The following EPHA6 variants were observed in gnomAD, a reference collection of about 807,000 sequenced individuals.
EPHA6 encodes the protein EPH receptor A6.
Under a neutral mutation model 112.0 loss-of-function variants are expected in EPHA6, and 50 were observed. That is an observed-to-expected ratio of 0.45 (90% CI 0.36 to 0.56). The LOEUF is 0.56. EPHA6 is among the 20% of genes least tolerant of loss of function. EPHA6 has a pLI of 0.00. For missense variants in EPHA6, 1,280 were observed against 1,417.4 expected (o/e 0.90, Z 1.56); for synonymous variants, 529 against 490.7 (o/e 1.08, Z -1.03).
At chr3:96,935,372 A>G (rs1010961613) in intron 2 of EPHA6, among the ~76,000 whole-genome samples, 1 of 151,626 alleles carries the variant, frequency 6.6e-6, no homozygotes, top group African/African-American at 2.4e-5. Flanking sequence ...GGTTAAAAAT[A>G]TAACTTGTGA....
intron 3 of EPHA6, among the ~76,000 whole-genome samples, chr3:97,160,549 G>C (rs1177555470): frequency 6.6e-6 from 1 of 152,026 alleles, no homozygotes; most frequent in African/African-American, 2.4e-5. Flanking sequence ...CAAAGTGCTA[G>C]GATTACAGGC....
intron 1 of EPHA6, among the ~76,000 whole-genome samples, chr3:96,854,177 G>C (rs963627863): frequency 9.7e-5 from 14 of 144,766 alleles, no homozygotes; most frequent in Non-Finnish European, 1.8e-4. Flanking sequence ...GTTTAATCAT[G>C]ACTTTTTTTT....
intron 5 of EPHA6, among the ~76,000 whole-genome samples, chr3:97,308,458 CT>C (rs2108745486): frequency 6.6e-6 from 1 of 151,868 alleles, no homozygotes; most frequent in South Asian, 2.1e-4. Context: ...ATTAGTACTA[CT>C]GAGTAAATTT....
chr3:97,725,690 A>C (rs1486272906), intron 15 of EPHA6, among the ~76,000 whole-genome samples: 1 of 152,218 alleles, frequency 6.6e-6, no homozygotes, highest in Admixed American at 6.5e-5. Flanking sequence ...TTGCAGATAA[A>C]TATGTTACAT....
At chr3:97,058,751 A>G (rs943302866) in intron 3 of EPHA6, among the ~76,000 whole-genome samples, 28 of 152,366 alleles carry the variant, frequency 1.8e-4, no homozygotes, top group African/African-American at 6.5e-4. Context: ...TGAAAAATAT[A>G]TAAAGATCCG....
chr3:97,079,850 C>A (rs1047303123), intron 3 of EPHA6, among the ~76,000 whole-genome samples: 7 of 151,692 alleles, frequency 4.6e-5, no homozygotes, highest in Admixed American at 3.3e-4. Context: ...AGGCAAGGCT[C>A]TCCACCAGCA....
intron 14 of EPHA6, chr3:97,648,239 A>C (rs1383177850): frequency 1.3e-6 from 1 of 782,410 alleles, no homozygotes; most frequent in Admixed American, 1.9e-5. Flanking sequence ...AATCTGCATA[A>C]TTACAGTTCT....
At chr3:97,124,827 G>A (rs1179630200) in intron 3 of EPHA6, among the ~76,000 whole-genome samples, 1 of 152,134 alleles carries the variant, frequency 6.6e-6, no homozygotes, top group Non-Finnish European at 1.5e-5. Flanking sequence ...ACACCCACAG[G>A]GGATGCTTCT....
At chr3:97,076,487 G>GA (rs778597644) in intron 3 of EPHA6, among the ~76,000 whole-genome samples, 12 of 152,182 alleles carry the variant, frequency 7.9e-5, no homozygotes, top group Non-Finnish European at 1.3e-4. Context: ...GAGGTTTAAG[G>GA]ATGAAAGTCA....
chr3:97,424,633 A>G (rs997514043), intron 6 of EPHA6, among the ~76,000 whole-genome samples: 2 of 151,740 alleles, frequency 1.3e-5, no homozygotes, highest in Non-Finnish European at 2.9e-5. Context: ...GTGAAACCCC[A>G]TCTCTACTAA....
chr3:97,363,897 C>T (rs1439073978), intron 5 of EPHA6, among the ~76,000 whole-genome samples: 1 of 152,024 alleles, frequency 6.6e-6, no homozygotes, highest in Non-Finnish European at 1.5e-5. Context: ...TGAACTAAGT[C>T]AGTCACGAAA....
chr3:97,392,057 G>A lies in EPHA6; in HGVS notation c.1607-13093G>A, dbSNP rs150035310. ...AATGGTCTTTTAGCTAGCTGCCACC[G>A]CAATTTTGTGTCTTCACGTAAATTG... On this transcript the variant is annotated intron_variant, in intron 5 of 17. Transcript: ENST00000389672. 4.1e-3 allele frequency among the ~76,000 whole-genome samples: 622 copies of A among 151,812 alleles called. 5 individuals carry two copies. The highest frequency in any genetic ancestry group is 0.013 in the African/African-American group (560 of 41,482).
Position 97,000,287 on chromosome 3 carries a change from A to ACACACACACACATATATATAGC in EPHA6, c.1114+12300_1114+12301insCACACATATATATAGCCACACA, listed in dbSNP as rs138184966. 5.1e-3 allele frequency among the ~76,000 whole-genome samples: 755 copies of ACACACACACACATATATATAGC among 147,176 alleles called. 11 individuals are homozygous for ACACACACACACATATATATAGC. Among genetic ancestry groups the ACACACACACACATATATATAGC allele is most frequent in the African/African-American group, 0.016 (643 of 39,174 alleles). Reference sequence around the variant, plus strand: ...AACACACACACACACACACACACACACACACATATATATAGCCATATATAG... The same window carrying ACACACACACACATATATATAGC: ...AACACACACACACACACACACACACACACACACACACATATATATAGCCACACATATATATAGCCATATATAG... On this transcript the variant is annotated intron_variant, in intron 3 of 17. Coordinates refer to ENST00000389672, the MANE Select transcript of EPHA6 (RefSeq NM_001080448.3).
intron 3 of EPHA6, among the ~76,000 whole-genome samples, chr3:97,176,552 A>G (rs753416638): frequency 5.3e-5 from 8 of 151,784 alleles, no homozygotes; most frequent in Non-Finnish European, 1.0e-4. Flanking sequence ...AGGCTTATTT[A>G]ATAGCTTTGA....
At chr3:97,569,075 A>C (rs2093303698) in intron 11 of EPHA6, among the ~76,000 whole-genome samples, 1 of 152,200 alleles carries the variant, frequency 6.6e-6, no homozygotes, top group Admixed American at 6.5e-5. Flanking sequence ...TTCTATAAGA[A>C]TAGATATGAA....
rs1252400424 is a variant in EPHA6, at chr3:96,947,860, G to A, written c.451-39470G>A. ...ATAGATTCAATGCCATCCCCATCAA[G>A]CTACCAATGACTTTCTTCACAGAAT... On this transcript the variant is annotated intron_variant, in intron 2 of 17. Transcript: ENST00000389672. 2.0e-5 allele frequency among the ~76,000 whole-genome samples: 3 copies of A among 152,034 alleles called. 1 individual carries two copies. In the East Asian group the frequency reaches 5.8e-4, roughly 29 times the overall value.
chr3:97,457,411 A>C (rs2090725429), intron 7 of EPHA6, among the ~76,000 whole-genome samples: 1 of 152,152 alleles, frequency 6.6e-6, no homozygotes, highest in Non-Finnish European at 1.5e-5. Context: ...GTCCTGGTCA[A>C]ATTCTATCCA....
intron 6 of EPHA6, chr3:97,441,416 A>G (rs2090133144): frequency 2.1e-6 from 2 of 975,234 alleles, no homozygotes; most frequent in Admixed American, 6.2e-5. Flanking sequence ...CAAAATACAG[A>G]CAAACAAAAC....
chr3:96,846,182 C>G (rs2035063712), intron 1 of EPHA6, among the ~76,000 whole-genome samples: 1 of 151,950 alleles, frequency 6.6e-6, no homozygotes, highest in Non-Finnish European at 1.5e-5. Context: ...ATCCTTGTCC[C>G]TAATGTAAAC....
Sources: allele counts gnomAD v4.1 joint callset (sites outside exome capture counted in the v4.1 genomes callset), GRCh38; gene constraint gnomAD v4.1.1; transcripts MANE v1.5; gene names NCBI Gene and HGNC (gene_info 2026-07-23, HGNC 2026-07-21).